The following RASEF variants were observed in gnomAD, a reference collection of about 807,000 sequenced individuals.
The protein encoded by RASEF is ras and EF-hand domain-containing protein.
Under a neutral mutation model 90.1 loss-of-function variants are expected in RASEF, and 68 were observed. The ratio of observed to expected loss-of-function variants is 0.75; its 90% CI spans 0.62 to 0.92. The LOEUF is 0.92. Among genes scored for constraint, RASEF ranks in the 40% least tolerant of loss-of-function variants. The pLI, the probability that RASEF is intolerant of heterozygous loss-of-function variation, is 0.00. For synonymous variants in RASEF, 331 were observed against 345.2 expected, an observed-to-expected ratio of 0.96 and a Z score of 0.46; for missense variants, 949 against 937.2, an observed-to-expected ratio of 1.01 and a Z score of -0.16.
the RASEF span, among the ~76,000 whole-genome samples, chr9:83,175,510 G>T: frequency 6.6e-6 from 1 of 151,746 alleles, no homozygotes; most frequent in Non-Finnish European, 1.5e-5. Flanking sequence ...TGTTTTACTA[G>T]TATTTTGTTG....
At chr9:83,125,664 G>C in the RASEF span, among the ~76,000 whole-genome samples, 1 of 152,120 alleles carries the variant, frequency 6.6e-6, no homozygotes, top group Non-Finnish European at 1.5e-5. Flanking sequence ...TGTTAATGAA[G>C]TCGTTTTTTA....
At chr9:83,173,889 A>T in the RASEF span, among the ~76,000 whole-genome samples, 5 of 151,684 alleles carry the variant, frequency 3.3e-5, no homozygotes, top group African/African-American at 9.7e-5. Context: ...TAGAGGGCTG[A>T]TTTTTCGTTC....
intron 2 of RASEF, among the ~76,000 whole-genome samples, chr9:83,024,588 C>T (rs773655245): frequency 6.6e-6 from 1 of 152,086 alleles, no homozygotes; most frequent in African/African-American, 2.4e-5. Flanking sequence ...TGAGGACCAC[C>T]CTTTATCCTC....
In RASEF at chr9:83,019,432, C is replaced by A. The variant is rs572086790; in HGVS notation, c.669+2904G>T. On this transcript the variant is annotated intron_variant, in intron 3 of 16. Coordinates refer to ENST00000376447, the MANE Select transcript of RASEF (RefSeq NM_152573.4). ...AACCACAGTGAGATTCCTCTACACA[C>A]CGATTAGAATGCTGAAAGAATGGGA... Among the ~76,000 whole-genome samples, 4 of 152,206 alleles carry A rather than the reference C, an allele frequency of 2.6e-5. No individual in the cohort carries two copies. In the East Asian group the frequency reaches 7.7e-4, roughly 29 times the overall value.
chr9:83,122,297 G>A, the RASEF span, among the ~76,000 whole-genome samples: 36 of 152,272 alleles, frequency 2.4e-4, no homozygotes, highest in South Asian at 5.8e-3. Flanking sequence ...AAAACCAAGC[G>A]AGCATTCATT....
At chr9:83,152,285 C>A in the RASEF span, among the ~76,000 whole-genome samples, 1 of 152,198 alleles carries the variant, frequency 6.6e-6, no homozygotes, top group Non-Finnish European at 1.5e-5. Context: ...CAAATGGCTT[C>A]TTTTAGTTCT....
the RASEF span, among the ~76,000 whole-genome samples, chr9:83,177,579 C>T: frequency 1.3e-5 from 2 of 149,732 alleles, no homozygotes; most frequent in South Asian, 4.2e-4. Flanking sequence ...TGGTAAGATG[C>T]TAATCTTATT....
the RASEF span, among the ~76,000 whole-genome samples, chr9:83,154,297 T>A: frequency 1.3e-5 from 2 of 152,206 alleles, no homozygotes; most frequent in African/African-American, 2.4e-5. Context: ...CTTCTGCAAA[T>A]TGACTGGCTG....
intron 1 of RASEF, among the ~76,000 whole-genome samples, chr9:83,028,117 C>T (rs1829580328): frequency 6.6e-6 from 1 of 152,150 alleles, no homozygotes; most frequent in Non-Finnish European, 1.5e-5. Context: ...ACCATAATAC[C>T]AGCATCAAAT....
chr9:83,175,739 C>A, the RASEF span, among the ~76,000 whole-genome samples: 3 of 152,074 alleles, frequency 2.0e-5, no homozygotes, highest in Non-Finnish European at 4.4e-5. Context: ...CACTGCCATG[C>A]CCGGCTAATT....
chr9:83,106,100 G>C, the RASEF span, among the ~76,000 whole-genome samples: 1 of 151,966 alleles, frequency 6.6e-6, no homozygotes, highest in Non-Finnish European at 1.5e-5. Flanking sequence ...GTACTTTTGG[G>C]CCCTAGATCC....
chr9:82,993,148 G>C (rs1828846529), intron 14 of RASEF, 123 bp from the exon 15 acceptor site: 3 of 917,058 alleles, frequency 3.3e-6, no homozygotes, highest in Non-Finnish European at 4.8e-6. Context: ...ATCCTATATA[G>C]AGGATATCTT....
At chr9:83,118,066 G>T in the RASEF span, among the ~76,000 whole-genome samples, 1 of 152,046 alleles carries the variant, frequency 6.6e-6, no homozygotes, top group Admixed American at 6.5e-5. Context: ...TCCAAAGGGT[G>T]CTTAATAAAA....
chr9:83,155,869 C>T, the RASEF span, among the ~76,000 whole-genome samples: 1 of 152,174 alleles, frequency 6.6e-6, no homozygotes, highest in African/African-American at 2.4e-5. Context: ...CAACTGCCAG[C>T]ATGATTTGGT....
the RASEF span, among the ~76,000 whole-genome samples, chr9:83,091,363 G>A: frequency 2.2e-4 from 33 of 152,160 alleles, 1 homozygote; most frequent in Non-Finnish European, 4.1e-4. Context: ...AGACCAGCCT[G>A]TCCAACATGG....
At chr9:83,087,376 G>A in the RASEF span, among the ~76,000 whole-genome samples, 1 of 143,164 alleles carries the variant, frequency 7.0e-6, no homozygotes, top group Non-Finnish European at 1.5e-5. Context: ...AGACACCAGA[G>A]AATTTGCTCA....
the RASEF span, among the ~76,000 whole-genome samples, chr9:83,205,245 G>T: frequency 2.0e-5 from 3 of 152,218 alleles, no homozygotes; most frequent in Non-Finnish European, 4.4e-5. Context: ...GCAAAGCGAA[G>T]AAATGGAGAA....
chr9:83,055,468 C>G, intron 1 of RASEF: 2 of 662,510 alleles, frequency 3.0e-6, no homozygotes, highest in East Asian at 2.9e-5. Flanking sequence ...GAGATGAACC[C>G]GGTACCTCAG....
rs117431786 is a variant in RASEF, at chr9:83,036,263, T to C, written c.432-10342A>G. Among the ~76,000 whole-genome samples the C allele has an allele frequency of 2.9e-3, 445 of 152,246 alleles. 8 individuals are homozygous for C. In the East Asian group the frequency reaches 0.039, roughly 13 times the overall value. On this transcript the variant is annotated intron_variant, in intron 1 of 16. Transcript: ENST00000376447. Reference sequence around the variant, plus strand: ...ACAGAAAACTCCTTCAGGACTCAGATGGTGGTGGAGAAAGATTGGAAGCAG... The same window carrying C: ...ACAGAAAACTCCTTCAGGACTCAGACGGTGGTGGAGAAAGATTGGAAGCAG...
Sources: gnomAD v4.1 joint callset for allele counts (sites outside exome capture counted in the v4.1 genomes callset) on GRCh38, gnomAD v4.1.1 for gene constraint, MANE v1.5 for transcripts, NCBI Gene and HGNC (gene_info 2026-07-23, HGNC 2026-07-21) for gene names.